SEC61A2: variants seen among roughly 807,000 people sequenced by gnomAD.
SEC61A2 encodes protein transport protein Sec61 subunit alpha isoform 2.
A neutral mutation model predicts 59.9 loss-of-function variants in SEC61A2; 28 were observed. That is an observed-to-expected ratio of 0.47 (90% CI 0.35 to 0.64). The LOEUF (loss-of-function observed/expected upper bound fraction) is 0.64. SEC61A2 is among the 30% of genes least tolerant of loss of function. The pLI is 0.01. For missense variants in SEC61A2, 340 were observed against 585.9 expected, an observed-to-expected ratio of 0.58 and a Z score of 4.33; for synonymous variants, 202 against 214.4, an observed-to-expected ratio of 0.94 and a Z score of 0.50.
In SEC61A2 at chr10:12,160,437, T is replaced by C. The variant is rs1834500020; in HGVS notation, c.976-493T>C. Among the ~76,000 whole-genome samples the C allele has an allele frequency of 6.6e-6, 1 of 152,214 alleles. No homozygotes were observed. The highest frequency in any genetic ancestry group is 6.5e-5 in the Admixed American group (1 of 15,276). On this transcript the variant is annotated intron_variant, in intron 9 of 11. Transcript: ENST00000298428. The surrounding 1 kb of genome is among the most constrained non-coding windows in gnomAD (Gnocchi z 4.1). ...AAGTATATAGATAAAAATCCAATTA[T>C]TATATTTATTAAAAGATTGCTCCTT...
At chr10:12,130,683 T>A (rs1833713956) in intron 1 of SEC61A2, 1 of 154,408 alleles carries the variant, frequency 6.5e-6, no homozygotes, top group Non-Finnish European at 1.5e-5. Context: ...CTGATGTGAT[T>A]GATACTTGTT....
chr10:12,146,710 G>A (rs1030019243), intron 4 of SEC61A2, among the ~76,000 whole-genome samples: 1 of 151,708 alleles, frequency 6.6e-6, no homozygotes, highest in Non-Finnish European at 1.5e-5. Flanking sequence ...AGTACAGGTG[G>A]GGTTTCACCA....
intron 11 of SEC61A2, among the ~76,000 whole-genome samples, chr10:12,163,462 T>G (rs1189086939): frequency 6.6e-6 from 1 of 151,854 alleles, no homozygotes; most frequent in Non-Finnish European, 1.5e-5. Context: ...GTAGCAGGGA[T>G]TACAGGCACG....
chr10:12,169,872 CA>C (rs771740279), downstream of SEC61A2: 16 of 415,582 alleles, frequency 3.9e-5, no homozygotes, highest in Non-Finnish European at 6.8e-5. The surrounding 1 kb of genome is among the most constrained non-coding windows in gnomAD (Gnocchi z 4.8). Context: ...CTTCAAATCA[CA>C]TTTGAAGTAA....
In SEC61A2 at chr10:12,161,482, C is replaced by T. The variant is rs1394646937; in HGVS notation, c.1167+361C>T. On this transcript the variant is annotated intron_variant, in intron 10 of 11. Coordinates refer to ENST00000298428, the MANE Select transcript of SEC61A2 (RefSeq NM_018144.4). The surrounding 1 kb of genome is among the most constrained non-coding windows in gnomAD (Gnocchi z 5.4). ...AAAAGGCCAGGCGCAGTGGTTCACG[C>T]CTGTAATCCCAGCACTTCGGGAGGC... 2.0e-5 allele frequency among the ~76,000 whole-genome samples: 3 copies of T among 152,158 alleles called. No homozygotes were observed. The highest frequency in any genetic ancestry group is 1.9e-4 in the East Asian group (1 of 5,168).
At position 12,161,851 on chromosome 10, in the gene SEC61A2, A is replaced by G. The variant is rs1358237567; in HGVS notation, c.1168-362A>G. ...AAAACAGTAGTGGATACACTCCTTT[A>G]TAACTTAAGCTTTAATTTATACATT... On this transcript the variant is annotated intron_variant, in intron 10 of 11. Coordinates refer to ENST00000298428, the MANE Select transcript of SEC61A2 (RefSeq NM_018144.4). This position sits in a 1 kb window ranked among gnomAD's most constrained non-coding sequence, Gnocchi z 5.4. Among the ~76,000 whole-genome samples the G allele has an allele frequency of 1.3e-5, 2 of 152,264 alleles. No individual in the cohort carries two copies. Among genetic ancestry groups the G allele is most frequent in the East Asian group, 3.8e-4 (2 of 5,202 alleles).
chr10:12,146,718 C>T (rs550580671), intron 4 of SEC61A2, among the ~76,000 whole-genome samples: 1 of 151,962 alleles, frequency 6.6e-6, no homozygotes, highest in East Asian at 2.0e-4. Context: ...TGGGGTTTCA[C>T]CATGTTAGCC....
At position 12,153,841 on chromosome 10, in the gene SEC61A2, T is replaced by C; in HGVS notation, c.463-1937T>C. 6.4e-7 allele frequency: 1 copy of C among 1,573,332 alleles called. No individual in the cohort carries two copies. Among genetic ancestry groups the C allele is most frequent in the Non-Finnish European group, 8.6e-7 (1 of 1,158,244 alleles). On this transcript the variant is annotated intron_variant, in intron 6 of 11. Transcript: ENST00000298428. The surrounding 1 kb of genome is among the most constrained non-coding windows in gnomAD (Gnocchi z 5.2). ...TTTGAAAACTGTTTGCATGCCGTTG[T>C]GGAAGGTATTTCTCACCTTATTTGT...
At position 12,132,191 on chromosome 10, in the gene SEC61A2, T is replaced by C. The variant is rs568209124; in HGVS notation, c.8-1050T>C. ...TACCGTGCGCCTGTAATCCCAGCTA[T>C]ATACGAGGCTGAGGCAGGAGAATCA... is the stretch of plus-strand genomic sequence containing the variant. On this transcript the variant is annotated intron_variant, in intron 1 of 11. Transcript: ENST00000298428. Among the ~76,000 whole-genome samples, 8 of 151,382 alleles carry C rather than the reference T, an allele frequency of 5.3e-5. No homozygotes were observed. In the South Asian group the frequency reaches 1.5e-3, roughly 28 times the overall value.
At chr10:12,137,983 G>A (rs1426366258) in intron 3 of SEC61A2, among the ~76,000 whole-genome samples, 1 of 152,132 alleles carries the variant, frequency 6.6e-6, no homozygotes, top group African/African-American at 2.4e-5. Flanking sequence ...TCAAACCTGG[G>A]CAACAGAGCG....
Position 12,129,861 on chromosome 10 carries a change from TG to T in SEC61A2, c.7+71del. ...CAGGCCCCGCCTGGGCTGCGGGCGG[TG>T]GGGCTGGCGCTCGCTCGGAGTCGTG... On this transcript the variant is annotated intron_variant, in intron 1 of 11. Transcript: ENST00000298428. The surrounding 1 kb of genome is among the most constrained non-coding windows in gnomAD (Gnocchi z 5.6). 1 of 1,291,962 alleles carries T rather than the reference TG, an allele frequency of 7.7e-7. No individual in the cohort carries two copies. Among genetic ancestry groups the T allele is most frequent in the Non-Finnish European group, 9.9e-7 (1 of 1,009,482 alleles). The allele number at this position is 1,291,962 out of a possible 1,614,324, so 80.0% of individuals were successfully genotyped here.
rs966962564 is a variant in SEC61A2 at position 12,149,153 on chromosome 10, A to C, written c.221-442A>C. 5.3e-5 allele frequency among the ~76,000 whole-genome samples: 8 copies of C among 151,838 alleles called. No homozygotes were observed. Among genetic ancestry groups the C allele is most frequent in the African/African-American group, 1.9e-4 (8 of 41,338 alleles). ...TGCCCGGGCTGGAGTGCAGTGGCGC[A>C]ATCTCGGCTTACTGCAACCTCTGCC... is the stretch of plus-strand genomic sequence containing the variant. On this transcript the variant is annotated intron_variant, in intron 4 of 11. Transcript: ENST00000298428. The surrounding 1 kb of genome is among the most constrained non-coding windows in gnomAD (Gnocchi z 5.2).
At chr10:12,166,636 G>A (rs1046361142), downstream of SEC61A2, 20 of 445,842 alleles carry the variant, frequency 4.5e-5, no homozygotes, top group South Asian at 2.6e-4. Context: ...TGGCTTACCC[G>A]CTGGAGCCAG....
intron 8 of SEC61A2, 128 bp from the exon 9 acceptor site, chr10:12,157,780 C>T (rs1277084152): frequency 6.1e-6 from 5 of 816,014 alleles, no homozygotes; most frequent in Non-Finnish European, 9.8e-6. Flanking sequence ...GGATTACAGG[C>T]CTGAGCCCCT....
At chr10:12,134,847 T>G (rs548720125) in intron 2 of SEC61A2, among the ~76,000 whole-genome samples, 1 of 148,140 alleles carries the variant, frequency 6.8e-6, no homozygotes. Context: ...GAACCTGGGG[T>G]GGTAGAGGTT....
chr10:12,143,288 G>A lies in SEC61A2; in HGVS notation c.220+93G>A. On this transcript the variant is annotated intron_variant, in intron 4 of 11. Transcript: ENST00000298428. This position sits in a 1 kb window ranked among gnomAD's most constrained non-coding sequence, Gnocchi z 4.8. ...ATGAGTTTTCAATGTCTACAGGGAG[G>A]GGGAGGATATCATTGCCTAGAAAAG... The A allele has an allele frequency of 3.3e-6, 3 of 898,294 alleles. No individual in the cohort carries two copies. The highest frequency in any genetic ancestry group is 5.6e-6 in the Non-Finnish European group (3 of 535,652). 55.6% of individuals were successfully genotyped at this position (898,294 alleles called of 1,614,324 possible). A position where few individuals can be genotyped will look rare whatever the true frequency, so the allele number is the denominator to read the frequency against.
downstream of SEC61A2, chr10:12,169,339 G>C (rs570855625): frequency 1.3e-6 from 2 of 1,538,946 alleles, no homozygotes; most frequent in Admixed American, 2.0e-5. The surrounding 1 kb of genome is among the most constrained non-coding windows in gnomAD (Gnocchi z 4.8). Flanking sequence ...AGATAACCCC[G>C]CACGGCATTT....
chr10:12,157,135 A>G (rs1427808068), intron 8 of SEC61A2, 68 bp downstream of exon 8: 33 of 1,446,802 alleles, frequency 2.3e-5, no homozygotes, highest in African/African-American at 5.7e-5. Flanking sequence ...AGAGAATGCC[A>G]TCTGACATGC....
At position 12,155,487 on chromosome 10, in the gene SEC61A2, C is replaced by T; in HGVS notation, c.463-291C>T. ...TTTTTGTTTCAGTGTGCTTTTCAAA[C>T]AGGCTTTATTTAAACATTGCAAAAG... On this transcript the variant is annotated intron_variant, in intron 6 of 11. Coordinates refer to ENST00000298428, the MANE Select transcript of SEC61A2 (RefSeq NM_018144.4). The surrounding 1 kb of genome is among the most constrained non-coding windows in gnomAD (Gnocchi z 4.3). 1.3e-6 allele frequency: 1 copy of T among 783,832 alleles called. No individual in the cohort carries two copies. The highest frequency in any genetic ancestry group is 1.9e-6 in the Non-Finnish European group (1 of 514,262). The allele number at this position is 783,832 out of a possible 1,614,324, so 48.6% of individuals were successfully genotyped here.
Sources: allele counts gnomAD v4.1 joint callset (sites outside exome capture counted in the v4.1 genomes callset), GRCh38; gene constraint gnomAD v4.1.1; non-coding constraint Gnocchi (gnomAD v3.1); transcripts MANE v1.5; gene names NCBI Gene and HGNC (gene_info 2026-07-23, HGNC 2026-07-21).